CDH2: variants seen among roughly 807,000 people sequenced by gnomAD.
The protein encoded by CDH2 is cadherin-2.
In CDH2, 17 loss-of-function variants were observed where a neutral mutation model predicts 92.0. That is an observed-to-expected ratio of 0.18 (90% CI 0.13 to 0.28). The LOEUF (loss-of-function observed/expected upper bound fraction) is 0.28. Among genes scored for constraint, CDH2 ranks in the 10% least tolerant of loss-of-function variants. CDH2 has a pLI of 1.00. For missense variants in CDH2, 862 were observed against 1,133.1 expected, an observed-to-expected ratio of 0.76 and a Z score of 3.44; for synonymous variants, 419 against 415.9, an observed-to-expected ratio of 1.01 and a Z score of -0.09.
In CDH2 at chr18:28,106,397, C is replaced by G. The variant is rs537795200; in HGVS notation, c.172+41276G>C. On this transcript the variant is annotated intron_variant, in intron 2 of 15. Coordinates refer to ENST00000269141, the MANE Select transcript of CDH2 (RefSeq NM_001792.5). ...GCGCTACTGCACTCCAGTCTGGGTG[C>G]CAGAGTGAGATTGCATTTCAAGAAA... Among the ~76,000 whole-genome samples the G allele has an allele frequency of 5.1e-4, 77 of 150,780 alleles. 2 individuals are homozygous for G. In the Middle Eastern group the frequency reaches 0.021, roughly 41 times the overall value.
At chr18:28,046,135 A>T (rs966202535) in intron 2 of CDH2, among the ~76,000 whole-genome samples, 37 of 152,170 alleles carry the variant, frequency 2.4e-4, no homozygotes, top group African/African-American at 8.2e-4. Context: ...TTGACCCTTA[A>T]ATGACAATTT....
intron 2 of CDH2, among the ~76,000 whole-genome samples, chr18:28,135,233 A>C (rs2015842526): frequency 6.6e-6 from 1 of 152,200 alleles, no homozygotes; most frequent in Non-Finnish European, 1.5e-5. Flanking sequence ...ACCAATCTAA[A>C]TGGCAAAGGT....
chr18:28,092,108 A>C (rs955511176), intron 2 of CDH2, among the ~76,000 whole-genome samples: 1 of 151,918 alleles, frequency 6.6e-6, no homozygotes, highest in African/African-American at 2.4e-5. Flanking sequence ...GGGGTTTAGG[A>C]TTTCGACATA....
intron 2 of CDH2, among the ~76,000 whole-genome samples, chr18:28,071,595 C>T (rs1425313058): frequency 1.3e-5 from 2 of 152,182 alleles, no homozygotes; most frequent in Non-Finnish European, 2.9e-5. Context: ...AAGAATTAAA[C>T]CTATTTTATT....
At chr18:28,064,210 T>C (rs1401838986) in intron 2 of CDH2, among the ~76,000 whole-genome samples, 1 of 152,156 alleles carries the variant, frequency 6.6e-6, no homozygotes, top group Non-Finnish European at 1.5e-5. Flanking sequence ...CTAAACATGG[T>C]ATCTGTATGG....
At chr18:27,985,785 A>T (rs1221860091) in intron 11 of CDH2, 24 bp from the exon 12 acceptor site, 1 of 1,355,954 alleles carries the variant, frequency 7.4e-7, no homozygotes, top group Non-Finnish European at 1.0e-6. Flanking sequence ...AAAATCACAA[A>T]TGATGCTGAA....
rs111449046 is a variant in CDH2, at chr18:27,992,761, G to A, written c.1238C>T (p.Thr413Ile). Reference protein sequence around the residue: ...LTVTDKDQPHTPAWNAVYRIS... With the variant: ...LTVTDKDQPHIPAWNAVYRIS... The stretch of plus-strand genomic sequence containing the variant: ...TCTGTACACTGCGTTCCAGGCTGGT[G>A]TATGGGGTTGATCCTTATCGGTCAC... Residue 413 changes from threonine to isoleucine, a missense_variant, in exon 9 of 16, where the codon ACA becomes ATA. This residue lies in a region of CDH2 where 564 missense variants were observed against 722.2 expected (regional missense o/e 0.78). Coordinates refer to ENST00000269141, the MANE Select transcript of CDH2 (RefSeq NM_001792.5). 2 of 1,613,892 alleles carry A rather than the reference G, an allele frequency of 1.2e-6. No individual in the cohort carries two copies. The highest frequency in any genetic ancestry group is 2.2e-5 in the South Asian group (2 of 91,080).
intron 2 of CDH2, among the ~76,000 whole-genome samples, chr18:28,098,534 T>C (rs912818164): frequency 2.0e-5 from 3 of 152,062 alleles, no homozygotes; most frequent in Admixed American, 2.0e-4. Context: ...ATTGACCACA[T>C]GGCCGATAGC....
intron 14 of CDH2, among the ~76,000 whole-genome samples, chr18:27,976,288 CTATCAAT>C (rs1197921059): frequency 1.3e-5 from 2 of 152,130 alleles, no homozygotes; most frequent in East Asian, 3.9e-4. Flanking sequence ...GTTCCAGTTT[CTATCAAT>C]TATCATTTGT....
intron 7 of CDH2, among the ~76,000 whole-genome samples, chr18:27,997,952 G>A (rs752948046): frequency 2.0e-5 from 3 of 151,948 alleles, no homozygotes; most frequent in Non-Finnish European, 4.4e-5. Flanking sequence ...GACTACAGGC[G>A]CCCGCAACCA....
chr18:27,997,804 G>A (rs976881900), intron 7 of CDH2, among the ~76,000 whole-genome samples: 4 of 151,716 alleles, frequency 2.6e-5, no homozygotes, highest in African/African-American at 9.7e-5. Context: ...TTGTGACTCT[G>A]TTCAAATTCT....
intron 2 of CDH2, among the ~76,000 whole-genome samples, chr18:28,059,870 T>A (rs2014366320): frequency 6.6e-6 from 1 of 152,226 alleles, no homozygotes; most frequent in Admixed American, 6.5e-5. Context: ...GTATTCTTCA[T>A]CCTCTTTTTC....
intron 2 of CDH2, among the ~76,000 whole-genome samples, chr18:28,130,498 T>C (rs1346332810): frequency 1.3e-5 from 2 of 152,252 alleles, no homozygotes; most frequent in African/African-American, 4.8e-5. Flanking sequence ...TTCTGACAAC[T>C]ACTGCTCTGA....
intron 2 of CDH2, among the ~76,000 whole-genome samples, chr18:28,079,102 A>G (rs549922516): frequency 6.6e-6 from 1 of 152,188 alleles, no homozygotes. Flanking sequence ...AGATAGTAAA[A>G]TCGTCTAACA....
chr18:28,004,262 T>C (rs1219150065), intron 6 of CDH2, among the ~76,000 whole-genome samples: 3 of 152,200 alleles, frequency 2.0e-5, no homozygotes, highest in Admixed American at 1.3e-4. Context: ...ATCCACAGTG[T>C]CAGAACAAGG....
intron 11 of CDH2, among the ~76,000 whole-genome samples, chr18:27,985,965 C>A: frequency 6.6e-6 from 1 of 152,150 alleles, no homozygotes. Flanking sequence ...TGAGCTGCCA[C>A]TGCTGCTCTG....
At chr18:28,005,413 G>T (rs1471715728) in intron 6 of CDH2, among the ~76,000 whole-genome samples, 2 of 152,162 alleles carry the variant, frequency 1.3e-5, no homozygotes, top group African/African-American at 4.8e-5. Flanking sequence ...TCGCCACCTA[G>T]TCCCAGGAAC....
At chr18:28,132,515 AAGAC>A (rs2015789531) in intron 2 of CDH2, among the ~76,000 whole-genome samples, 1 of 152,110 alleles carries the variant, frequency 6.6e-6, no homozygotes, top group African/African-American at 2.4e-5. Context: ...AAGGGGGCAA[AAGAC>A]AGAGGCAACG....
intron 2 of CDH2, among the ~76,000 whole-genome samples, chr18:28,143,928 A>G (rs2015994199): frequency 6.6e-6 from 1 of 152,116 alleles, no homozygotes; most frequent in South Asian, 2.1e-4. Flanking sequence ...GTCGTCACTC[A>G]TAAATGGGAG....
Sources: allele counts gnomAD v4.1 joint callset (sites outside exome capture counted in the v4.1 genomes callset), GRCh38; gene constraint gnomAD v4.1.1; regional missense constraint gnomAD v4.1.1; transcripts MANE v1.5; gene names NCBI Gene and HGNC (gene_info 2026-07-23, HGNC 2026-07-21).